The following SDK1 variants were observed in gnomAD, a reference collection of about 807,000 sequenced individuals.
SDK1 encodes protein sidekick-1.
Under a neutral mutation model 245.5 loss-of-function variants are expected in SDK1, and 157 were observed. That is an observed-to-expected ratio of 0.64 (90% confidence interval 0.56 to 0.73). SDK1 has a LOEUF of 0.73. SDK1 is among the 30% of genes least tolerant of loss of function. The pLI, the probability that SDK1 is intolerant of heterozygous loss-of-function variation, is 0.00. For synonymous variants in SDK1, 1,647 were observed against 1,278.5 expected, an observed-to-expected ratio of 1.29 and a Z score of -6.15; for missense variants, 3,583 against 3,002.3, an observed-to-expected ratio of 1.19 and a Z score of -4.52.
intron 8 of SDK1, among the ~76,000 whole-genome samples, chr7:3,960,495 T>C (rs1021345716): frequency 6.6e-6 from 1 of 152,226 alleles, no homozygotes; most frequent in African/African-American, 2.4e-5. Flanking sequence ...TGTGTCACCC[T>C]TCCAGTGCTG....
rs1015602176 is a variant in SDK1, at chr7:4,260,753, G to A, written c.6382-4371G>A. On this transcript the variant is annotated intron_variant, in intron 44 of 44. Coordinates refer to ENST00000404826, the MANE Select transcript of SDK1 (RefSeq NM_152744.4). ...GTGTTCATCGTCACCTGATGGAGAA[G>A]CTGGCTGCTCCGGGGTCTCTGTGTG... 3.0e-4 allele frequency among the ~76,000 whole-genome samples: 45 copies of A among 147,802 alleles called. 1 individual carries two copies. Among genetic ancestry groups the A allele is most frequent in the African/African-American group, 9.3e-4 (37 of 39,858 alleles).
At chr7:3,860,554 T>C (rs1780665796) in intron 5 of SDK1, among the ~76,000 whole-genome samples, 1 of 152,190 alleles carries the variant, frequency 6.6e-6, no homozygotes, top group Non-Finnish European at 1.5e-5. Flanking sequence ...CAAAATGCAA[T>C]TGATGTGTAA....
chr7:3,419,001 T>C (rs1779461468), intron 1 of SDK1, among the ~76,000 whole-genome samples: 3 of 152,216 alleles, frequency 2.0e-5, no homozygotes, highest in Admixed American at 1.3e-4. Context: ...AAGAATGTTA[T>C]ATCAAAAGTC....
chr7:3,812,057 T>C (rs1355618048), intron 4 of SDK1, among the ~76,000 whole-genome samples: 3 of 152,222 alleles, frequency 2.0e-5, no homozygotes, highest in African/African-American at 7.2e-5. Flanking sequence ...CCTTTGCAGC[T>C]CTTGCCAGTA....
At chr7:3,384,570 C>T (rs745862365) in intron 1 of SDK1, among the ~76,000 whole-genome samples, 1 of 149,118 alleles carries the variant, frequency 6.7e-6, no homozygotes, top group Non-Finnish European at 1.5e-5. Context: ...GACATTTCCA[C>T]TCTTGTTTTA....
At chr7:4,206,970 A>G (rs1235995259) in intron 36 of SDK1, among the ~76,000 whole-genome samples, 1 of 152,250 alleles carries the variant, frequency 6.6e-6, no homozygotes, top group Admixed American at 6.5e-5. Context: ...GCTTGGAGGC[A>G]TGGCGCTATT....
intron 32 of SDK1, among the ~76,000 whole-genome samples, chr7:4,170,730 C>A (rs188272357): frequency 3.0e-4 from 45 of 152,202 alleles, no homozygotes; most frequent in Admixed American, 2.9e-3. Flanking sequence ...AGGGAGGAAA[C>A]CGAACATGAA....
intron 4 of SDK1, among the ~76,000 whole-genome samples, chr7:3,728,265 C>A (rs531903331): frequency 6.6e-6 from 1 of 152,326 alleles, no homozygotes; most frequent in East Asian, 1.9e-4. Context: ...CTACTTCTAC[C>A]TATTTTAACT....
intron 28 of SDK1, among the ~76,000 whole-genome samples, chr7:4,139,934 G>A (rs987216166): frequency 1.3e-4 from 20 of 152,082 alleles, no homozygotes; most frequent in Non-Finnish European, 2.4e-4. Context: ...ATGGGGCAGG[G>A]CCCCAGGCCT....
intron 17 of SDK1, among the ~76,000 whole-genome samples, chr7:4,019,698 C>T (rs971064889): frequency 6.6e-6 from 1 of 152,044 alleles, no homozygotes; most frequent in African/African-American, 2.4e-5. Flanking sequence ...TGTAGCAGCA[C>T]CATCCTTCCC....
intron 14 of SDK1, among the ~76,000 whole-genome samples, chr7:3,990,810 C>G (rs1419732325): frequency 2.6e-5 from 4 of 152,214 alleles, no homozygotes; most frequent in African/African-American, 9.6e-5. Flanking sequence ...ATTCTACCTT[C>G]CCCCGTTTCC....
chr7:4,187,941 T>TC (rs766596260), intron 35 of SDK1, among the ~76,000 whole-genome samples: 89 of 152,292 alleles, frequency 5.8e-4, no homozygotes, highest in Non-Finnish European at 8.7e-4. Context: ...GACTCCCAGT[T>TC]CCACGTGGCT....
intron 5 of SDK1, among the ~76,000 whole-genome samples, chr7:3,864,280 G>A (rs1043030996): frequency 2.6e-5 from 4 of 151,950 alleles, no homozygotes; most frequent in South Asian, 2.1e-4. Flanking sequence ...TTCTCCTTAC[G>A]TTTCCTATTC....
At chr7:3,975,817 T>C (rs973634739) in intron 13 of SDK1, among the ~76,000 whole-genome samples, 2 of 152,242 alleles carry the variant, frequency 1.3e-5, no homozygotes, top group African/African-American at 2.4e-5. Context: ...TGTGGTTAGT[T>C]AGGAAGCGGC....
At chr7:3,720,324 T>G (rs1176353475) in intron 4 of SDK1, among the ~76,000 whole-genome samples, 2 of 152,090 alleles carry the variant, frequency 1.3e-5, no homozygotes, top group African/African-American at 4.8e-5. Context: ...GTAAACCACG[T>G]ACCTGATGAA....
rs1463532878 is a variant in SDK1 at position 3,667,224 on chromosome 7, ATG to A, written c.713+25121_713+25122del. ...CATGAAGTTTATATAGTGTGTTCAA[ATG>A]TAATTTTATTATAACCATATTATTA... On this transcript the variant is annotated intron_variant, in intron 4 of 44. Transcript: ENST00000404826. 5.3e-5 allele frequency among the ~76,000 whole-genome samples: 8 copies of A among 152,302 alleles called. No individual in the cohort carries two copies. The East Asian group carries it at 1.5e-3, about 29-fold the overall frequency.
chr7:3,367,973 T>C (rs992432700), intron 1 of SDK1, among the ~76,000 whole-genome samples: 2 of 152,230 alleles, frequency 1.3e-5, no homozygotes, highest in African/African-American at 4.8e-5. Context: ...CTCTCTTCCC[T>C]GTAAGGATGA....
chr7:3,837,974 C>T lies in SDK1; in HGVS notation c.847+16391C>T, dbSNP rs1583464028. ...CTTGTCCTGACCAGGAAGACTTGGA[C>T]TCCCAGGTCCCCTTGAGAGCCCTTG... On this transcript the variant is annotated intron_variant, in intron 5 of 44. Coordinates refer to ENST00000404826, the MANE Select transcript of SDK1 (RefSeq NM_152744.4). 2.0e-5 allele frequency among the ~76,000 whole-genome samples: 3 copies of T among 152,246 alleles called. 1 individual carries two copies. The South Asian group carries it at 6.2e-4, about 32-fold the overall frequency.
At chr7:3,806,602 C>T (rs576729700) in intron 4 of SDK1, among the ~76,000 whole-genome samples, 4 of 152,208 alleles carry the variant, frequency 2.6e-5, no homozygotes, top group African/African-American at 7.2e-5. Context: ...AATCATTTTG[C>T]ACCAGTTACA....
Sources: gnomAD v4.1 joint callset for allele counts (sites outside exome capture counted in the v4.1 genomes callset) on GRCh38, gnomAD v4.1.1 for gene constraint, MANE v1.5 for transcripts, NCBI Gene and HGNC (gene_info 2026-07-23, HGNC 2026-07-21) for gene names.